The following KIFC3 variants were observed in gnomAD, a reference collection of about 807,000 sequenced individuals.
KIFC3 encodes the protein kinesin family member C3.
In KIFC3, 60 loss-of-function variants were observed where a neutral mutation model predicts 101.8. That is an observed-to-expected ratio of 0.59 (90% CI 0.48 to 0.73). The LOEUF (loss-of-function observed/expected upper bound fraction) is 0.73, where lower values mean the gene tolerates loss of function less well. KIFC3 is among the 30% of genes least tolerant of loss of function. KIFC3 has a pLI of 0.00. For synonymous variants in KIFC3, 476 were observed against 482.7 expected (o/e 0.99, Z 0.18); for missense variants, 966 against 1,137.1 (o/e 0.85, Z 2.16).
At position 57,794,635 on chromosome 16, in the gene KIFC3, C is replaced by A. The variant is rs372131652; in HGVS notation, c.315+364G>T. On this transcript the variant is annotated intron_variant, in intron 3 of 19. Coordinates refer to ENST00000445690, the MANE Select transcript of KIFC3 (RefSeq NM_001130100.2). The stretch of plus-strand genomic sequence containing the variant: ...TTCTCACTTCAAACAAGGAAATATT[C>A]CCAAGGAAATACAAGGAAATACTCA... 1.6e-4 allele frequency among the ~76,000 whole-genome samples: 24 copies of A among 152,300 alleles called. No homozygotes were observed. In the South Asian group the frequency reaches 4.8e-3, roughly 30 times the overall value.
At chr16:57,854,801 T>C (rs2056130651) in intron 1 of KIFC3, among the ~76,000 whole-genome samples, 2 of 152,078 alleles carry the variant, frequency 1.3e-5, no homozygotes, top group Non-Finnish European at 2.9e-5. Context: ...TTAAAAGAAA[T>C]TAAATCATAT....
intron 10 of KIFC3, among the ~76,000 whole-genome samples, chr16:57,766,494 G>A (rs1229575578): frequency 6.6e-6 from 1 of 152,152 alleles, no homozygotes; most frequent in Non-Finnish European, 1.5e-5. Flanking sequence ...CACAGAGCAG[G>A]CACTCTAGAG....
intron 1 of KIFC3, among the ~76,000 whole-genome samples, chr16:57,843,612 ACTAGC>A (rs1411260917): frequency 2.6e-5 from 4 of 152,034 alleles, no homozygotes; most frequent in Non-Finnish European, 5.9e-5. Context: ...GGAGTTCAAG[ACTAGC>A]CTGGGCAACA....
intron 1 of KIFC3, among the ~76,000 whole-genome samples, chr16:57,839,437 G>A (rs984145620): frequency 6.6e-6 from 1 of 152,144 alleles, no homozygotes; most frequent in Non-Finnish European, 1.5e-5. Context: ...CTACTTGGGA[G>A]GCTAAAGTGG....
rs961982409 is a variant in KIFC3 at position 57,855,371 on chromosome 16, C to T, written c.108+7358G>A. 4.2e-4 allele frequency among the ~76,000 whole-genome samples: 64 copies of T among 151,822 alleles called. 1 individual carries two copies. The highest frequency in any genetic ancestry group is 6.6e-5 in the Admixed American group (1 of 15,228). On this transcript the variant is annotated intron_variant, in intron 1 of 2. Transcript: ENST00000563028. ...AACACTGGGCCTCATGTGATCTACCCGCCTTGGCCTCTCAAAATGTTGGAA... is the reference window on the plus strand; with the variant it reads ...AACACTGGGCCTCATGTGATCTACCTGCCTTGGCCTCTCAAAATGTTGGAA...
In KIFC3 at chr16:57,816,495, G is replaced by A. The variant is rs1234892079; in HGVS notation, c.109-18213C>T. On this transcript the variant is annotated intron_variant, in intron 1 of 2. Coordinates refer to the KIFC3 transcript ENST00000563028. ...CCGAAGTGACTCACGGGCCCTGCTGGGAAGCAGCTGACGTTCCTTGTCTGC... is the reference window on the plus strand; with the variant it reads ...CCGAAGTGACTCACGGGCCCTGCTGAGAAGCAGCTGACGTTCCTTGTCTGC... 16 of 457,162 alleles carry A rather than the reference G, an allele frequency of 3.5e-5. No homozygotes were observed. In the East Asian group the frequency reaches 1.1e-3, roughly 32 times the overall value. The allele number at this position is 457,162 out of a possible 1,614,324, so 28.3% of individuals were successfully genotyped here.
intron 13 of KIFC3, 147 bp downstream of exon 13, chr16:57,761,993 C>T (rs1555598229): frequency 6.8e-6 from 7 of 1,030,808 alleles, no homozygotes; most frequent in Non-Finnish European, 9.7e-6. Flanking sequence ...CCCATTGCTC[C>T]AGCACCACCC....
intron 1 of KIFC3, among the ~76,000 whole-genome samples, chr16:57,840,621 A>G (rs1168739186): frequency 2.6e-5 from 4 of 150,950 alleles, no homozygotes; most frequent in Admixed American, 6.6e-5. Flanking sequence ...TTAGCCGGCC[A>G]TGGTGGCGCA....
intron 1 of KIFC3, among the ~76,000 whole-genome samples, chr16:57,808,542 T>G (rs954852162): frequency 2.6e-5 from 4 of 152,166 alleles, no homozygotes; most frequent in Non-Finnish European, 5.9e-5. Flanking sequence ...TTTTTGTTTT[T>G]GAACTTAAAA....
chr16:57,824,614 C>T (rs916202512), intron 1 of KIFC3, among the ~76,000 whole-genome samples: 11 of 152,110 alleles, frequency 7.2e-5, no homozygotes, highest in East Asian at 1.9e-4. Flanking sequence ...GCACAGGAGG[C>T]GGAGGTTGCA....
intron 1 of KIFC3, chr16:57,816,993 T>C (rs1025964278): frequency 3.1e-6 from 1 of 325,542 alleles, no homozygotes; most frequent in Non-Finnish European, 6.0e-6. Context: ...TTTTTCTGAA[T>C]TATCACATGC....
chr16:57,798,750 C>G (rs781903150), intron 1 of KIFC3: 3 of 184,956 alleles, frequency 1.6e-5, no homozygotes, highest in African/African-American at 2.4e-5. Context: ...AGTGAATGCT[C>G]TGAATATTAA....
At chr16:57,783,461 C>T (rs2052960122) in intron 3 of KIFC3, among the ~76,000 whole-genome samples, 1 of 100,764 alleles carries the variant, frequency 9.9e-6, no homozygotes, top group Non-Finnish European at 2.0e-5. Context: ...CCACAAAGCC[C>T]ATTTTCTTTT....
intron 1 of KIFC3, among the ~76,000 whole-genome samples, chr16:57,860,570 T>C (rs1373418241): frequency 2.0e-5 from 3 of 152,118 alleles, no homozygotes. Context: ...ACCCCAAGAG[T>C]GGGCTCTTAG....
At chr16:57,799,666 A>G (rs1555624850) in intron 1 of KIFC3, among the ~76,000 whole-genome samples, 1 of 152,196 alleles carries the variant, frequency 6.6e-6, no homozygotes, top group Non-Finnish European at 1.5e-5. Flanking sequence ...AGGGCCACCA[A>G]CGCCACAGGT....
intron 1 of KIFC3, among the ~76,000 whole-genome samples, chr16:57,836,509 C>T (rs2055691160): frequency 6.6e-6 from 1 of 152,152 alleles, no homozygotes; most frequent in Non-Finnish European, 1.5e-5. Context: ...AGAAGTTGAG[C>T]AGCCCAGGCA....
intron 3 of KIFC3, chr16:57,788,774 G>C: frequency 7.8e-7 from 1 of 1,274,204 alleles, no homozygotes; most frequent in Non-Finnish European, 1.0e-6. Flanking sequence ...GGACCCTCGA[G>C]CCAGAGGATG....
intron 1 of KIFC3, among the ~76,000 whole-genome samples, chr16:57,835,519 T>C (rs1336409737): frequency 6.6e-6 from 1 of 152,206 alleles, no homozygotes; most frequent in Non-Finnish European, 1.5e-5. Flanking sequence ...GCATTTTCTA[T>C]GGTATTTTAT....
At chr16:57,821,598 G>A (rs917013041) in intron 1 of KIFC3, among the ~76,000 whole-genome samples, 2 of 152,134 alleles carry the variant, frequency 1.3e-5, no homozygotes, top group Admixed American at 6.5e-5. Flanking sequence ...AAGACTAATT[G>A]CCCCCCGCTG....
Sources: allele counts gnomAD v4.1 joint callset (sites outside exome capture counted in the v4.1 genomes callset), GRCh38; gene constraint gnomAD v4.1.1; transcripts MANE v1.5; gene names NCBI Gene and HGNC (gene_info 2026-07-23, HGNC 2026-07-21).